The following RAPGEF6 variants were observed in gnomAD, a reference collection of about 807,000 sequenced individuals.
The protein encoded by RAPGEF6 is PDZ domain containing guanine nucleotide exchange factor (GEF) 2.
Under a neutral mutation model 171.4 loss-of-function variants are expected in RAPGEF6, and 56 were observed. The ratio of observed to expected loss-of-function variants is 0.33; its 90% confidence interval spans 0.26 to 0.41. RAPGEF6 has a LOEUF of 0.41. RAPGEF6 is among the 10% of genes least tolerant of loss of function. The pLI is 1.00. For missense variants in RAPGEF6, 1,674 were observed against 1,921.4 expected (o/e 0.87, Z 2.41); for synonymous variants, 692 against 650.1 (o/e 1.06, Z -0.98).
intron 7 of RAPGEF6, among the ~76,000 whole-genome samples, chr5:131,512,924 T>C (rs1450087773): frequency 6.6e-6 from 1 of 152,184 alleles, no homozygotes; most frequent in Non-Finnish European, 1.5e-5. Flanking sequence ...ATCTTTAAAC[T>C]TTCCAGCCTC....
chr5:131,506,410 A>G (rs1757373671), intron 9 of RAPGEF6, among the ~76,000 whole-genome samples: 1 of 152,170 alleles, frequency 6.6e-6, no homozygotes, highest in Non-Finnish European at 1.5e-5. Flanking sequence ...GACTACAAGC[A>G]TGAGCCACTG....
intron 4 of RAPGEF6, among the ~76,000 whole-genome samples, chr5:131,576,199 C>A (rs2149985494): frequency 6.6e-6 from 1 of 152,234 alleles, no homozygotes; most frequent in South Asian, 2.1e-4. Context: ...TGTTCCTAAT[C>A]CAGACTGCGC....
chr5:131,430,721 A>G (rs765841969), intron 26 of RAPGEF6, 138 bp downstream of exon 26: 3 of 1,223,984 alleles, frequency 2.5e-6, no homozygotes, highest in Non-Finnish European at 3.6e-6. Flanking sequence ...TTGGGAAATA[A>G]CTTGTTTGTT....
intron 16 of RAPGEF6, among the ~76,000 whole-genome samples, chr5:131,478,985 C>G (rs1476677615): frequency 6.6e-6 from 1 of 152,092 alleles, no homozygotes; most frequent in Non-Finnish European, 1.5e-5. Flanking sequence ...AGAGTCATCG[C>G]CAATCATGAC....
chr5:131,441,818 T>C (rs1459902708), intron 23 of RAPGEF6, among the ~76,000 whole-genome samples: 1 of 152,134 alleles, frequency 6.6e-6, no homozygotes, highest in Non-Finnish European at 1.5e-5. Flanking sequence ...GGTTCTCATC[T>C]AAAAGGCTAA....
intron 22 of RAPGEF6, among the ~76,000 whole-genome samples, chr5:131,445,488 ACT>A (rs796983541): frequency 4.6e-5 from 4 of 86,072 alleles, no homozygotes; most frequent in Admixed American, 3.3e-4. Context: ...AATTTAACTC[ACT>A]CTCTGTGTGT....
chr5:131,497,803 TTTTCTTGAAACAACTTA>T (rs1372365464), intron 12 of RAPGEF6, among the ~76,000 whole-genome samples: 1 of 152,248 alleles, frequency 6.6e-6, no homozygotes, highest in East Asian at 1.9e-4. Context: ...CCTACTTTTA[TTTTCTTGAAACAACTTA>T]TTTCTTACCA....
intron 5 of RAPGEF6, among the ~76,000 whole-genome samples, chr5:131,559,881 ATTACT>A (rs940043651): frequency 6.6e-5 from 10 of 151,912 alleles, no homozygotes; most frequent in Admixed American, 1.3e-4. Flanking sequence ...AAACAAGGAG[ATTACT>A]TTACAATGTG....
intron 1 of RAPGEF6, among the ~76,000 whole-genome samples, 186 bp from the exon 2 acceptor site, chr5:131,604,879 G>GT (rs1764461797): frequency 6.6e-6 from 1 of 152,122 alleles, no homozygotes; most frequent in African/African-American, 2.4e-5. Context: ...AGCTCTCAAA[G>GT]GAACTCCTCT....
chr5:131,547,258 C>T (rs943982003), intron 6 of RAPGEF6, among the ~76,000 whole-genome samples: 2 of 152,086 alleles, frequency 1.3e-5, no homozygotes, highest in African/African-American at 4.8e-5. Context: ...TAAACACATC[C>T]TTGGGAATTT....
At chr5:131,607,493 A>G (rs1466474464) in intron 1 of RAPGEF6, among the ~76,000 whole-genome samples, 2 of 152,218 alleles carry the variant, frequency 1.3e-5, no homozygotes, top group Non-Finnish European at 2.9e-5. Flanking sequence ...AGATCAGAAA[A>G]AAATCTGCAT....
At chr5:131,528,240 CATAT>C (rs1192373584) in intron 6 of RAPGEF6, among the ~76,000 whole-genome samples, 1 of 102,286 alleles carries the variant, frequency 9.8e-6, no homozygotes, top group Non-Finnish European at 2.0e-5. Flanking sequence ...ATTTATATAT[CATAT>C]ATATAAATAA....
intron 13 of RAPGEF6, among the ~76,000 whole-genome samples, chr5:131,495,161 T>G (rs1285026851): frequency 4.0e-5 from 6 of 151,844 alleles, no homozygotes; most frequent in Non-Finnish European, 8.8e-5. Flanking sequence ...GGCGTGGTGG[T>G]GCGCGTCTGA....
intron 21 of RAPGEF6, among the ~76,000 whole-genome samples, chr5:131,447,716 A>G (rs1752812274): frequency 6.6e-6 from 1 of 152,334 alleles, no homozygotes; most frequent in African/African-American, 2.4e-5. Flanking sequence ...GTGCTCATAT[A>G]TCTACTTTAA....
intron 21 of RAPGEF6, among the ~76,000 whole-genome samples, chr5:131,451,856 A>T (rs1753098999): frequency 6.6e-6 from 1 of 152,160 alleles, no homozygotes. Context: ...CTGTGAACTG[A>T]AGCTATACAC....
At chr5:131,487,355 GGGTGGCCAGCTTTTAT>G (rs558119220) in intron 15 of RAPGEF6, among the ~76,000 whole-genome samples, 70 of 152,294 alleles carry the variant, frequency 4.6e-4, no homozygotes, top group African/African-American at 1.7e-3. Context: ...CTGCTGGCTG[GGGTGGCCAGCTTTTAT>G]TCCCTTATTT....
intron 25 of RAPGEF6, among the ~76,000 whole-genome samples, chr5:131,431,855 A>G (rs1751731318): frequency 6.6e-6 from 1 of 152,188 alleles, no homozygotes; most frequent in African/African-American, 2.4e-5. Flanking sequence ...TTAAGTATAC[A>G]TATTCATTTT....
At chr5:131,578,487 T>C (rs959067335) in intron 4 of RAPGEF6, among the ~76,000 whole-genome samples, 2 of 152,170 alleles carry the variant, frequency 1.3e-5, no homozygotes, top group African/African-American at 4.8e-5. Flanking sequence ...ACAGATTTGG[T>C]GAGAACTCCC....
intron 20 of RAPGEF6, among the ~76,000 whole-genome samples, chr5:131,454,514 A>G (rs1753343688): frequency 6.6e-6 from 1 of 152,200 alleles, no homozygotes. Flanking sequence ...GATGTTGAAT[A>G]TGTTCAAAGA....
Sources: allele counts gnomAD v4.1 joint callset (sites outside exome capture counted in the v4.1 genomes callset), GRCh38; gene constraint gnomAD v4.1.1; transcripts MANE v1.5; gene names NCBI Gene and HGNC (gene_info 2026-07-23, HGNC 2026-07-21).